Variants in WWOX observed in about 807,000 individuals in gnomAD.
WWOX encodes WW domain containing oxidoreductase, also known as WW domain-containing oxidoreductase.
WWOX carries 69 observed loss-of-function variants against 46.2 expected under a neutral mutation model. The ratio of observed to expected loss-of-function variants is 1.49; its 90% CI spans 1.23 to 1.82. The LOEUF (loss-of-function observed/expected upper bound fraction) is 1.82. Among genes scored for constraint, WWOX ranks in the 40% most tolerant of loss-of-function variants. The pLI is 0.00. For missense variants in WWOX, 919 were observed against 542.6 expected, an observed-to-expected ratio of 1.69 and a Z score of -6.89; for synonymous variants, 359 against 202.6, an observed-to-expected ratio of 1.77 and a Z score of -6.56.
chr16:78,255,859 C>T (rs2038115319), intron 5 of WWOX, among the ~76,000 whole-genome samples: 1 of 152,110 alleles, frequency 6.6e-6, no homozygotes, highest in South Asian at 2.1e-4. Context: ...AGGAGTAAAT[C>T]ACGACCAGGC....
chr16:78,641,886 T>G (rs936423650), intron 8 of WWOX, among the ~76,000 whole-genome samples: 1 of 152,190 alleles, frequency 6.6e-6, no homozygotes, highest in African/African-American at 2.4e-5. Flanking sequence ...ATTATTTCTG[T>G]GCACAGGCAG....
chr16:79,200,468 C>T (rs998714230), intron 8 of WWOX, among the ~76,000 whole-genome samples: 15 of 152,128 alleles, frequency 9.9e-5, no homozygotes, highest in African/African-American at 3.6e-4. Flanking sequence ...AGCACTGCCC[C>T]GTTGCTTGGC....
chr16:79,208,232 A>AAAAG (rs762078749), intron 8 of WWOX, among the ~76,000 whole-genome samples: 17 of 152,198 alleles, frequency 1.1e-4, no homozygotes, highest in Non-Finnish European at 1.8e-4. Context: ...GGCATGATTA[A>AAAAG]AAAGATTCTT....
rs71140852 is a variant in WWOX at position 78,971,448 on chromosome 16, CA to C, written c.1057-240134del. Among the ~76,000 whole-genome samples, 578 of 111,762 alleles carry C rather than the reference CA, an allele frequency of 5.2e-3. 2 individuals are homozygous for C. Among genetic ancestry groups the C allele is most frequent in the Middle Eastern group, 0.02 (4 of 200 alleles). 73.3% of individuals were successfully genotyped at this position (111,762 alleles called of 152,430 possible). ...CCAGTCTGGGTGACAGACTCTGTGT[CA>C]AAAAAAAAAAAAAAAAAAAAAAAAA... is the stretch of plus-strand genomic sequence containing the variant. On this transcript the variant is annotated intron_variant, in intron 8 of 8. Transcript: ENST00000566780.
chr16:78,929,576 A>T (rs567842600), intron 8 of WWOX, among the ~76,000 whole-genome samples: 62 of 152,166 alleles, frequency 4.1e-4, no homozygotes, highest in African/African-American at 1.5e-3. Flanking sequence ...CTCCCCAAAT[A>T]TTTATTGAGC....
intron 8 of WWOX, among the ~76,000 whole-genome samples, chr16:78,612,372 C>G (rs1265389690): frequency 6.6e-6 from 1 of 152,194 alleles, no homozygotes; most frequent in Non-Finnish European, 1.5e-5. Context: ...GAAGGAGGGC[C>G]CATCTCTTAC....
intron 8 of WWOX, among the ~76,000 whole-genome samples, chr16:78,919,941 A>C (rs1466652044): frequency 1.3e-5 from 2 of 152,208 alleles, no homozygotes; most frequent in African/African-American, 2.4e-5. Context: ...ATGATCTAGA[A>C]TAATAGACTA....
At chr16:78,858,015 A>G (rs2052607014) in intron 8 of WWOX, among the ~76,000 whole-genome samples, 3 of 152,310 alleles carry the variant, frequency 2.0e-5, no homozygotes, top group Admixed American at 6.5e-5. Flanking sequence ...TTGACCTATT[A>G]CATTCTAAAT....
intron 5 of WWOX, among the ~76,000 whole-genome samples, chr16:78,219,489 A>G (rs992935289): frequency 2.0e-5 from 3 of 152,126 alleles, no homozygotes; most frequent in Admixed American, 6.5e-5. Flanking sequence ...TCTCCCAGAC[A>G]TTTTTCTCTT....
intron 8 of WWOX, among the ~76,000 whole-genome samples, chr16:78,682,907 C>G (rs188808410): frequency 6.6e-6 from 1 of 152,252 alleles, no homozygotes; most frequent in East Asian, 1.9e-4. Context: ...CAAAAACATA[C>G]TTTCGTGACT....
intron 8 of WWOX, among the ~76,000 whole-genome samples, chr16:78,807,770 T>C (rs1242805025): frequency 1.3e-5 from 2 of 152,240 alleles, no homozygotes; most frequent in Non-Finnish European, 2.9e-5. Context: ...GCTGCTTGTT[T>C]GTCTGATACG....
intron 8 of WWOX, among the ~76,000 whole-genome samples, chr16:79,015,462 C>G (rs2047394608): frequency 6.6e-6 from 1 of 152,278 alleles, no homozygotes; most frequent in South Asian, 2.1e-4. Context: ...ACCTGAGTGT[C>G]TGCTGCATAG....
chr16:79,125,642 G>T (rs1422998266), intron 8 of WWOX, among the ~76,000 whole-genome samples: 1 of 152,072 alleles, frequency 6.6e-6, no homozygotes, highest in Non-Finnish European at 1.5e-5. Context: ...ACAAGTTCTG[G>T]GCCATAACTC....
At position 78,401,008 on chromosome 16, in the gene WWOX, C is replaced by G. The variant is rs77704447; in HGVS notation, c.605+14060C>G. Among the ~76,000 whole-genome samples, 1,510 of 152,146 alleles carry G rather than the reference C, an allele frequency of 9.9e-3. 18 individuals carry two copies. The highest frequency in any genetic ancestry group is 0.034 in the African/African-American group (1,423 of 41,520). On this transcript the variant is annotated intron_variant, in intron 6 of 8. Transcript: ENST00000566780. Reference sequence around the variant, plus strand: ...TGGCTAATTTTTATTTTTGTAGAGACGAGGTCTCCTTGTGTTGTCCAGGCT... The same window carrying G: ...TGGCTAATTTTTATTTTTGTAGAGAGGAGGTCTCCTTGTGTTGTCCAGGCT...
At chr16:78,792,616 C>A (rs565009715) in intron 8 of WWOX, among the ~76,000 whole-genome samples, 1 of 152,126 alleles carries the variant, frequency 6.6e-6, no homozygotes, top group African/African-American at 2.4e-5. Context: ...ATTGCTCTGT[C>A]GCCCAAACAG....
intron 8 of WWOX, chr16:78,550,654 T>A (rs1597252057): frequency 6.6e-6 from 1 of 152,376 alleles, no homozygotes; most frequent in East Asian, 1.9e-4. Flanking sequence ...GAGTTCTTGT[T>A]AACCCTGACA....
intron 5 of WWOX, among the ~76,000 whole-genome samples, chr16:78,305,975 C>G (rs1040671338): frequency 6.6e-6 from 1 of 151,896 alleles, no homozygotes; most frequent in South Asian, 2.1e-4. Context: ...GGAACAGGTT[C>G]TAATACAGAT....
intron 8 of WWOX, among the ~76,000 whole-genome samples, chr16:79,179,871 C>T (rs759130239): frequency 3.3e-5 from 5 of 152,166 alleles, no homozygotes; most frequent in Admixed American, 3.3e-4. Flanking sequence ...TCTAAGTACC[C>T]TATGAACACA....
intron 5 of WWOX, among the ~76,000 whole-genome samples, chr16:78,299,116 A>G (rs976124161): frequency 3.3e-5 from 5 of 152,176 alleles, no homozygotes; most frequent in Non-Finnish European, 7.3e-5. Context: ...GGTGTTAGTC[A>G]TATTCTTATC....
Sources: gnomAD v4.1 joint callset for allele counts (sites outside exome capture counted in the v4.1 genomes callset) on GRCh38, gnomAD v4.1.1 for gene constraint, MANE v1.5 for transcripts, NCBI Gene and HGNC (gene_info 2026-07-23, HGNC 2026-07-21) for gene names.